The following RNF4 variants were observed in gnomAD, a reference collection of about 807,000 sequenced individuals.
The protein encoded by RNF4 is E3 ubiquitin-protein ligase RNF4.
Under a neutral mutation model 24.3 loss-of-function variants are expected in RNF4, and 7 were observed. The observed-to-expected ratio is 0.29, with a 90% CI of 0.16 to 0.54. The LOEUF (loss-of-function observed/expected upper bound fraction) is 0.54. Ranked by LOEUF, RNF4 falls within the 20% of genes least tolerant of loss-of-function variation. The probability of loss-of-function intolerance (pLI) is 0.95; values close to 1 mark genes in which losing one functional copy is unlikely to be tolerated. For missense variants in RNF4, 209 were observed against 248.5 expected (o/e 0.84, Z 1.07); for synonymous variants, 83 against 84.3 (o/e 0.98, Z 0.09).
intron 1 of RNF4, among the ~76,000 whole-genome samples, chr4:2,476,502 C>G (rs1233498352): frequency 6.6e-6 from 1 of 152,166 alleles, no homozygotes; most frequent in African/African-American, 2.4e-5. Flanking sequence ...AAGCAATTCT[C>G]CTGCCTCAGC....
chr4:2,505,475 G>C, intron 4 of RNF4: 1 of 151,614 alleles, frequency 6.6e-6, no homozygotes, highest in Middle Eastern at 3.4e-3. Context: ...ACAGGTGCCC[G>C]CCACCACACC....
intron 4 of RNF4, among the ~76,000 whole-genome samples, chr4:2,509,982 C>T (rs969296163): frequency 2.0e-5 from 3 of 152,210 alleles, no homozygotes; most frequent in Non-Finnish European, 4.4e-5. Context: ...TTCTAGATTT[C>T]ATGCGGACAG....
At chr4:2,484,850 T>TA (rs1735358737) in intron 1 of RNF4, among the ~76,000 whole-genome samples, 1 of 152,160 alleles carries the variant, frequency 6.6e-6, no homozygotes, top group Admixed American at 6.5e-5. Context: ...CTCCTTGGTC[T>TA]ACAGTCTGAC....
intron 4 of RNF4, among the ~76,000 whole-genome samples, chr4:2,508,659 G>A (rs1185179521): frequency 2.0e-5 from 3 of 152,286 alleles, no homozygotes; most frequent in South Asian, 2.1e-4. Context: ...TGCCCAGGCT[G>A]GAGTGCAGTG....
In RNF4 at chr4:2,476,690, C is replaced by G. The variant is rs73205500; in HGVS notation, c.-158+7432C>G. On this transcript the variant is annotated intron_variant, in intron 1 of 7. Coordinates refer to ENST00000314289, the MANE Select transcript of RNF4 (RefSeq NM_002938.5). ...ACAGGTGTGAGCCACCACGTCCAGCCCTTTTCTTTCTTTCTTTTTTTTTTT... is the reference window on the plus strand; with the variant it reads ...ACAGGTGTGAGCCACCACGTCCAGCGCTTTTCTTTCTTTCTTTTTTTTTTT... 5.0e-3 allele frequency among the ~76,000 whole-genome samples: 754 copies of G among 150,172 alleles called. 3 individuals carry two copies. The highest frequency in any genetic ancestry group is 8.7e-3 in the Non-Finnish European group (587 of 67,766).
In RNF4 at chr4:2,513,855, G is replaced by C; in HGVS notation, c.*36G>C. 2.5e-6 allele frequency: 4 copies of C among 1,612,512 alleles called. No homozygotes were observed. The highest frequency in any genetic ancestry group is 1.1e-5 in the South Asian group (1 of 91,064). Reference sequence around the variant, plus strand: ...GCCCCCCAGGAGAGACGGATGGACAGACAGACAGCCAGGTTCTCCAGTGGT... The same window carrying C: ...GCCCCCCAGGAGAGACGGATGGACACACAGACAGCCAGGTTCTCCAGTGGT... On this transcript the variant is annotated 3_prime_UTR_variant, in exon 8 of 8. Coordinates refer to ENST00000314289, the MANE Select transcript of RNF4 (RefSeq NM_002938.5).
chr4:2,503,811 T>C (rs1735987389), intron 4 of RNF4, among the ~76,000 whole-genome samples: 2 of 152,204 alleles, frequency 1.3e-5, no homozygotes, highest in Non-Finnish European at 2.9e-5. Flanking sequence ...GGGGTAACCT[T>C]CCTTACCAGT....
chr4:2,495,962 T>C (rs1208762773), intron 2 of RNF4, among the ~76,000 whole-genome samples: 1 of 152,208 alleles, frequency 6.6e-6, no homozygotes. Flanking sequence ...TGGAGGATAT[T>C]CTCAGCTTGT....
chr4:2,487,139 A>G (rs563675079), intron 1 of RNF4, among the ~76,000 whole-genome samples: 30 of 152,282 alleles, frequency 2.0e-4, no homozygotes, highest in African/African-American at 6.7e-4. Flanking sequence ...TTTGAGAAGC[A>G]TTTGTGCTCC....
chr4:2,509,399 G>A (rs542117676), intron 4 of RNF4, among the ~76,000 whole-genome samples: 1 of 151,970 alleles, frequency 6.6e-6, no homozygotes, highest in African/African-American at 2.4e-5. Context: ...TGTAGTTTTA[G>A]TAGAGACAGG....
intron 2 of RNF4, among the ~76,000 whole-genome samples, chr4:2,495,533 A>G (rs1735706519): frequency 6.6e-6 from 1 of 151,662 alleles, no homozygotes; most frequent in African/African-American, 2.4e-5. Flanking sequence ...TACTTGTCCC[A>G]GGTTGTCCAG....
chr4:2,476,396 T>G (rs1225291789), intron 1 of RNF4, among the ~76,000 whole-genome samples: 1 of 152,094 alleles, frequency 6.6e-6, no homozygotes, highest in East Asian at 1.9e-4. Context: ...TGTTTTTTTG[T>G]TTTTTGTTTG....
chr4:2,499,129 A>G (rs1735833188), intron 3 of RNF4, among the ~76,000 whole-genome samples: 1 of 145,552 alleles, frequency 6.9e-6, no homozygotes, highest in African/African-American at 2.6e-5. Flanking sequence ...CCTGGGAGGC[A>G]GAGGTTGCAG....
chr4:2,508,155 G>A (rs1439330323), intron 4 of RNF4, among the ~76,000 whole-genome samples: 1 of 152,200 alleles, frequency 6.6e-6, no homozygotes, highest in Non-Finnish European at 1.5e-5. Flanking sequence ...CCGAGGAAGT[G>A]TGAATTTCTG....
intron 1 of RNF4, among the ~76,000 whole-genome samples, chr4:2,484,614 G>A (rs1395250664): frequency 6.6e-6 from 1 of 150,666 alleles, no homozygotes; most frequent in African/African-American, 2.5e-5. Context: ...TCACACTCCT[G>A]CTAGAGTGGG....
chr4:2,474,874 A>T (rs1735020048), intron 1 of RNF4, among the ~76,000 whole-genome samples: 1 of 152,134 alleles, frequency 6.6e-6, no homozygotes, highest in Non-Finnish European at 1.5e-5. Context: ...AAAATACAAA[A>T]AAATTAGCTG....
At chr4:2,475,560 G>C (rs979904483) in intron 1 of RNF4, among the ~76,000 whole-genome samples, 1 of 151,512 alleles carries the variant, frequency 6.6e-6, no homozygotes, top group Non-Finnish European at 1.5e-5. Context: ...GGATGGTCTC[G>C]ATCTCCTGAC....
chr4:2,473,797 C>T (rs533894215), intron 1 of RNF4, among the ~76,000 whole-genome samples: 31 of 151,248 alleles, frequency 2.0e-4, no homozygotes, highest in African/African-American at 6.6e-4. Flanking sequence ...GGCGACAGAG[C>T]GAGACTCTGT....
rs376505096 is a variant in RNF4 at position 2,512,387 on chromosome 4, G to A, written c.215-51G>A. 1.0e-5 allele frequency: 16 copies of A among 1,563,202 alleles called. No homozygotes were observed. The highest frequency in any genetic ancestry group is 4.1e-5 in the African/African-American group (3 of 73,550). ...GAGGCGTCAGGATGGGAGTGGTGAGGATGGTAAGAGTAGAGAGCCTCCAAC... is the reference window on the plus strand; with the variant it reads ...GAGGCGTCAGGATGGGAGTGGTGAGAATGGTAAGAGTAGAGAGCCTCCAAC... On this transcript the variant is annotated intron_variant, in intron 5 of 7. Transcript: ENST00000314289. This position sits in a 1 kb window ranked among gnomAD's most constrained non-coding sequence, Gnocchi z 4.1.
Sources: allele counts gnomAD v4.1 joint callset (sites outside exome capture counted in the v4.1 genomes callset), GRCh38; gene constraint gnomAD v4.1.1; non-coding constraint Gnocchi (gnomAD v3.1); transcripts MANE v1.5; gene names NCBI Gene and HGNC (gene_info 2026-07-23, HGNC 2026-07-21).